CSMD2: variants seen among roughly 807,000 people sequenced by gnomAD.
The protein encoded by CSMD2 is CUB and sushi domain-containing protein 2.
Under a neutral mutation model 398.5 loss-of-function variants are expected in CSMD2, and 130 were observed. That is an observed-to-expected ratio of 0.33 (90% confidence interval 0.28 to 0.38). The LOEUF (loss-of-function observed/expected upper bound fraction) is 0.38. CSMD2 is among the 10% of genes least tolerant of loss of function. The pLI is 1.00. For synonymous variants in CSMD2, 1,828 were observed against 1,908.5 expected, an observed-to-expected ratio of 0.96 and a Z score of 1.10; for missense variants, 3,829 against 4,764.9, an observed-to-expected ratio of 0.80 and a Z score of 5.78.
rs562887136 is a variant in CSMD2 at position 34,025,131 on chromosome 1, C to T, written c.517+7463G>A. ...ACCTGCGTCTCCTGGAACAGCAAAA[C>T]GGGCAGCTCTGGCTCCATCTGTCCA... On this transcript the variant is annotated intron_variant, in intron 3 of 70. Coordinates refer to ENST00000373381, the MANE Select transcript of CSMD2 (RefSeq NM_001281956.2). Among the ~76,000 whole-genome samples the T allele has an allele frequency of 2.0e-4, 30 of 152,336 alleles. No individual in the cohort carries two copies. In the South Asian group the frequency reaches 4.1e-3, roughly 21 times the overall value.
intron 44 of CSMD2, among the ~76,000 whole-genome samples, chr1:33,589,938 T>A (rs1414904725): frequency 6.6e-6 from 1 of 152,214 alleles, no homozygotes. Context: ...ATAATTTTTC[T>A]TAATAAGTTA....
chr1:33,744,346 G>T (rs1647195149), intron 13 of CSMD2, among the ~76,000 whole-genome samples: 1 of 152,160 alleles, frequency 6.6e-6, no homozygotes, highest in Non-Finnish European at 1.5e-5. Context: ...ACAACCCCAA[G>T]ATGCCACACT....
intron 1 of CSMD2, among the ~76,000 whole-genome samples, chr1:34,123,914 A>C (rs1662477787): frequency 1.3e-5 from 2 of 152,194 alleles, no homozygotes; most frequent in Non-Finnish European, 2.9e-5. Flanking sequence ...TAAGGTTGTG[A>C]ACACAGGCAG....
Position 33,550,078 on chromosome 1 carries a change from C to T in CSMD2, c.8917+99G>A, listed in dbSNP as rs1657290166. The T allele has an allele frequency of 4.0e-6, 5 of 1,236,736 alleles. No homozygotes were observed. The Admixed American group carries it at 7.4e-5, about 18-fold the overall frequency. 76.6% of individuals were successfully genotyped at this position (1,236,736 alleles called of 1,614,324 possible). ...ATATAAGGGTTCTGAGGTCTGATTC[C>T]CTCCCATCCATCAATCACACTCACA... is the stretch of plus-strand genomic sequence containing the variant. On this transcript the variant is annotated intron_variant, in intron 56 of 70. Coordinates refer to ENST00000373381, the MANE Select transcript of CSMD2 (RefSeq NM_001281956.2).
chr1:33,582,560 G>A (rs896513206), intron 47 of CSMD2, among the ~76,000 whole-genome samples: 14 of 152,128 alleles, frequency 9.2e-5, no homozygotes, highest in African/African-American at 2.2e-4. Context: ...TGTTCCTACC[G>A]TTCTTCCCCC....
intron 6 of CSMD2, among the ~76,000 whole-genome samples, chr1:33,836,820 C>T (rs1660328538): frequency 6.6e-6 from 1 of 152,214 alleles, no homozygotes; most frequent in Non-Finnish European, 1.5e-5. Context: ...CTGGGTGAGG[C>T]CATGCCTCGC....
intron 4 of CSMD2, among the ~76,000 whole-genome samples, chr1:33,930,646 C>T (rs1644283840): frequency 6.6e-6 from 1 of 152,214 alleles, no homozygotes. Flanking sequence ...GGGCCAATGG[C>T]CCTCATAAAT....
intron 2 of CSMD2, among the ~76,000 whole-genome samples, chr1:34,058,230 C>A (rs1654076009): frequency 6.6e-6 from 1 of 152,104 alleles, no homozygotes; most frequent in South Asian, 2.1e-4. Context: ...TGCTGTGTCA[C>A]CCCGGGCAGG....
intron 25 of CSMD2, among the ~76,000 whole-genome samples, chr1:33,663,415 G>A (rs1402824491): frequency 6.6e-6 from 1 of 151,966 alleles, no homozygotes; most frequent in African/African-American, 2.4e-5. Context: ...ACCTCTCCCT[G>A]AGCCCATATT....
At position 34,163,903 on chromosome 1, in the gene CSMD2, G is replaced by C. The variant is rs115552250; in HGVS notation, c.187+1008C>G. Among the ~76,000 whole-genome samples the C allele has an allele frequency of 6.1e-3, 927 of 152,242 alleles. 13 individuals are homozygous for C. Among genetic ancestry groups the C allele is most frequent in the African/African-American group, 0.021 (885 of 41,560 alleles). ...GTAAAGCGGGAGGGCACCAGTCGCG[G>C]CCAGTAGCCTCCACAGGGGACCGGG... On this transcript the variant is annotated intron_variant, in intron 1 of 70. Transcript: ENST00000373381. The surrounding 1 kb of genome is among the most constrained non-coding windows in gnomAD (Gnocchi z 5.4).
intron 3 of CSMD2, among the ~76,000 whole-genome samples, chr1:33,962,203 A>G (rs952900915): frequency 1.4e-4 from 21 of 152,056 alleles, no homozygotes; most frequent in African/African-American, 4.8e-4. Flanking sequence ...TCTTCCTTGC[A>G]TGCTTCCCTC....
chr1:33,902,576 G>C (rs886492814), intron 5 of CSMD2, among the ~76,000 whole-genome samples: 3 of 152,138 alleles, frequency 2.0e-5, no homozygotes, highest in Non-Finnish European at 2.9e-5. Context: ...ATCAGGATCC[G>C]AGTTGCATGG....
At chr1:33,789,234 G>A (rs1054645035) in intron 11 of CSMD2, among the ~76,000 whole-genome samples, 9 of 149,526 alleles carry the variant, frequency 6.0e-5, no homozygotes, top group African/African-American at 1.9e-4. Context: ...GGCTTAGAGT[G>A]TAGTCATTAT....
At chr1:34,020,533 C>T (rs998643) in intron 3 of CSMD2, among the ~76,000 whole-genome samples, 14,427 of 152,128 alleles carry the variant, frequency 0.095, 1,027 homozygotes, top group East Asian at 0.31. Context: ...CTGGCCCACC[C>T]GACTCTCCCA....
intron 29 of CSMD2, 35 bp downstream of exon 29, chr1:33,646,613 C>T (rs1233656561): frequency 1.9e-6 from 3 of 1,608,146 alleles, no homozygotes; most frequent in South Asian, 2.2e-5. Flanking sequence ...TTAGCTGGAC[C>T]TGTCCTCAGT....
chr1:33,864,961 AAGGGAAGGGAAAGGAGGGGAATGGAGGG>A (rs1639897390), intron 5 of CSMD2, among the ~76,000 whole-genome samples: 1 of 100,660 alleles, frequency 9.9e-6, no homozygotes, highest in Non-Finnish European at 2.0e-5. Context: ...AAGAGAGGGG[AAGGGAAGGGAAAGGAGGGGAATGGAGGG>A]GAGGGAAAGG....
Position 33,622,153 on chromosome 1 carries a change from C to T in CSMD2, c.5827+14G>A, listed in dbSNP as rs1355123207. 1 of 1,595,952 alleles carries T rather than the reference C, an allele frequency of 6.3e-7. No individual in the cohort carries two copies. On this transcript the variant is annotated intron_variant, in intron 37 of 70. Transcript: ENST00000373381. ...ACCCTGAACCCTGTACCAGCCAAGA[C>T]CCTGGATTCTCACTTTTGTACTCCA...
At chr1:33,703,039 C>A (rs1363336536) in intron 22 of CSMD2, among the ~76,000 whole-genome samples, 1 of 151,980 alleles carries the variant, frequency 6.6e-6, no homozygotes, top group East Asian at 1.9e-4. Context: ...TATTCTATTG[C>A]ATTTGTCTAT....
In CSMD2 at chr1:33,935,792, G is replaced by A; in HGVS notation, c.680C>T (p.Ala227Val). The part of the protein sequence containing the change: ...LTCHAGSENS[A>V]TWDFPLPSCR... ...GGAAGGCAGGGGGAAGTCCCACGTG[G>A]CGCTGTTCTCAGAGCCAGCGTGGCA... Residue 227 changes from alanine to valine, a missense_variant, in exon 4 of 71, where the codon GCC (alanine) becomes GTC (valine). Physicochemically the swap from Ala to Val is moderately conservative, Grantham distance 64. This residue lies in a region of CSMD2 where 2,001 missense variants were observed against 2,567.1 expected (regional missense o/e 0.78). Transcript: ENST00000373381. The A allele has an allele frequency of 6.2e-7, 1 of 1,612,534 alleles. No homozygotes were observed. The highest frequency in any genetic ancestry group is 1.1e-5 in the South Asian group (1 of 90,822).
Sources: allele counts gnomAD v4.1 joint callset (sites outside exome capture counted in the v4.1 genomes callset), GRCh38; gene constraint gnomAD v4.1.1; regional missense constraint gnomAD v4.1.1; non-coding constraint Gnocchi (gnomAD v3.1); transcripts MANE v1.5; gene names NCBI Gene and HGNC (gene_info 2026-07-23, HGNC 2026-07-21).